Variants in ACSL6 observed in about 807,000 individuals in gnomAD.
ACSL6 encodes the protein long-chain-fatty-acid--CoA ligase 6.
Under a neutral mutation model 98.2 loss-of-function variants are expected in ACSL6, and 47 were observed. That is an observed-to-expected ratio of 0.48 (90% CI 0.38 to 0.61). ACSL6 has a LOEUF of 0.61. Ranked by LOEUF, ACSL6 falls within the 20% of genes least tolerant of loss-of-function variation. The probability of loss-of-function intolerance (pLI) is 0.00; values close to 1 mark genes in which losing one functional copy is unlikely to be tolerated. For missense variants in ACSL6, 761 were observed against 913.4 expected (o/e 0.83, Z 2.15); for synonymous variants, 362 against 336.9 (o/e 1.07, Z -0.82).
At chr5:131,977,665 G>A (rs1237113921) in intron 9 of ACSL6, among the ~76,000 whole-genome samples, 1 of 152,154 alleles carries the variant, frequency 6.6e-6, no homozygotes, top group Non-Finnish European at 1.5e-5. Context: ...TGTTAAATCA[G>A]ACGTTTCCAC....
chr5:131,983,828 G>A (rs1042461787), intron 9 of ACSL6: 4 of 152,304 alleles, frequency 2.6e-5, no homozygotes, highest in African/African-American at 9.6e-5. Flanking sequence ...GCTTCCTACA[G>A]TCTGGAAAAG....
In ACSL6 at chr5:132,004,228, T is replaced by G. The variant is rs547521909; in HGVS notation, c.49+7277A>C. Reference sequence around the variant, plus strand: ...AGGTCAGGCTTCTATCCTTTTTTTTTTTTTTTGGCTGACTTTCAGCAGCCA... The same window carrying G: ...AGGTCAGGCTTCTATCCTTTTTTTTGTTTTTTGGCTGACTTTCAGCAGCCA... On this transcript the variant is annotated intron_variant, in intron 1 of 20. Coordinates refer to ENST00000651883, the MANE Select transcript of ACSL6 (RefSeq NM_001009185.3). Among the ~76,000 whole-genome samples the G allele has an allele frequency of 2.6e-5, 4 of 151,872 alleles. No individual in the cohort carries two copies. The South Asian group carries it at 8.3e-4, about 32-fold the overall frequency.
In ACSL6 at chr5:131,950,941, T is replaced by G. The variant is rs1752127880; in HGVS notation, c.*3293A>C. ...AAGGAGACATAAAATGTTTAATCCTTGGATTTCTGAGTTTATGAGTTCCTA... is the reference window on the plus strand; with the variant it reads ...AAGGAGACATAAAATGTTTAATCCTGGGATTTCTGAGTTTATGAGTTCCTA... On this transcript the variant is annotated 3_prime_UTR_variant, in exon 21 of 21. Coordinates refer to ENST00000651883, the MANE Select transcript of ACSL6 (RefSeq NM_001009185.3). 1 of 192,100 alleles carries G rather than the reference T, an allele frequency of 5.2e-6. No individual in the cohort carries two copies. Among genetic ancestry groups the G allele is most frequent in the South Asian group, 1.9e-4 (1 of 5,178 alleles). 11.9% of individuals were successfully genotyped at this position (192,100 alleles called of 1,614,324 possible).
intron 9 of ACSL6, chr5:131,984,148 G>T (rs548603706): frequency 3.0e-4 from 45 of 152,240 alleles, no homozygotes; most frequent in African/African-American, 9.9e-4. Context: ...GGAGAGGAAG[G>T]GCTGTGTTGT....
chr5:131,971,715 T>A, intron 13 of ACSL6, 70 bp from the exon 14 acceptor site: 1 of 1,370,376 alleles, frequency 7.3e-7, no homozygotes, highest in Non-Finnish European at 9.9e-7. Context: ...CTGGGTTTCA[T>A]CCAAGGTCAA....
rs935937048 is a variant in ACSL6, at chr5:131,960,417, G to A, written c.1959+103C>T. On this transcript the variant is annotated intron_variant, in intron 19 of 20. Coordinates refer to ENST00000651883, the MANE Select transcript of ACSL6 (RefSeq NM_001009185.3). ...TATATAAAGTAATGTTAGAAATTTC[G>A]TACGAGCTCGAATTTCACTGGTCTA... 6.2e-5 allele frequency: 52 copies of A among 843,988 alleles called. No homozygotes were observed. In the Admixed American group the frequency reaches 1.2e-3, roughly 19 times the overall value. The allele number at this position is 843,988 out of a possible 1,614,324, so 52.3% of individuals were successfully genotyped here.
intron 1 of ACSL6, among the ~76,000 whole-genome samples, chr5:132,008,399 C>A (rs1755529773): frequency 6.6e-6 from 1 of 152,212 alleles, no homozygotes; most frequent in African/African-American, 2.4e-5. Context: ...CTTTGTCTCG[C>A]CCCACCAGGG....
chr5:131,984,854 GCATT>G (rs1754085579), intron 9 of ACSL6: 1 of 173,012 alleles, frequency 5.8e-6, no homozygotes, highest in Admixed American at 5.5e-5. Flanking sequence ...CAGAGCATCT[GCATT>G]GCCCTTTCAC....
chr5:131,993,612 T>A, intron 2 of ACSL6: 1 of 201,240 alleles, frequency 5.0e-6, no homozygotes, highest in South Asian at 9.8e-5. Flanking sequence ...GGTGGCACCA[T>A]GTGTGAGTCC....
chr5:131,995,195 G>A (rs1056073918), intron 1 of ACSL6, among the ~76,000 whole-genome samples: 1 of 152,184 alleles, frequency 6.6e-6, no homozygotes, highest in Non-Finnish European at 1.5e-5. Context: ...AGAGAGGGAA[G>A]GTCTCTGTGA....
intron 10 of ACSL6, chr5:131,975,242 C>G (rs759817419): frequency 8.1e-5 from 105 of 1,304,056 alleles, no homozygotes; most frequent in Non-Finnish European, 1.0e-4. Flanking sequence ...GTCAGTGGGT[C>G]TAGGTTATCT....
Position 132,011,438 on chromosome 5 carries a change from C to T in ACSL6, c.49+67G>A. 3 of 1,548,800 alleles carry T rather than the reference C, an allele frequency of 1.9e-6. No individual in the cohort carries two copies. Among genetic ancestry groups the T allele is most frequent in the Non-Finnish European group, 2.7e-6 (3 of 1,124,080 alleles). On this transcript the variant is annotated intron_variant, in intron 1 of 20. Transcript: ENST00000651883. The surrounding 1 kb of genome is among the most constrained non-coding windows in gnomAD (Gnocchi z 5.4). ...CGGCCGCGGAGATGTAACACCTCCACCTCGGGCGAAGACCTCATAGCCTGC... is the reference window on the plus strand; with the variant it reads ...CGGCCGCGGAGATGTAACACCTCCATCTCGGGCGAAGACCTCATAGCCTGC...
Position 131,959,618 on chromosome 5 carries a change from C to G in ACSL6, c.1960-11G>C, listed in dbSNP as rs759930416. 8 of 1,613,298 alleles carry G rather than the reference C, an allele frequency of 5.0e-6. No individual in the cohort carries two copies. The highest frequency in any genetic ancestry group is 6.8e-6 in the Non-Finnish European group (8 of 1,179,264). On this transcript the variant is annotated splice_polypyrimidine_tract_variant and intron_variant, in intron 19 of 20. Coordinates refer to ENST00000651883, the MANE Select transcript of ACSL6 (RefSeq NM_001009185.3). ...GGCTTTCTTCAGATCCTGAATCAAA[C>G]CATATGAGAAAAATTACAAGACAAG...
intron 9 of ACSL6, among the ~76,000 whole-genome samples, chr5:131,979,710 TG>T (rs1020470698): frequency 6.6e-6 from 1 of 152,208 alleles, no homozygotes. Flanking sequence ...CAACAAATTG[TG>T]GGGGAAGACT....
chr5:131,966,279 T>TC, intron 17 of ACSL6, 137 bp downstream of exon 17: 3 of 771,240 alleles, frequency 3.9e-6, no homozygotes, highest in Middle Eastern at 3.9e-4. Context: ...AGGAAGAGCC[T>TC]CCCCCCAGGC....
intron 20 of ACSL6, among the ~76,000 whole-genome samples, chr5:131,956,842 A>G (rs997828346): frequency 1.4e-4 from 22 of 152,204 alleles, no homozygotes; most frequent in African/African-American, 4.8e-4. Context: ...CACTTCATGA[A>G]ACTGGAATTT....
chr5:132,011,909 A>G (rs958809301), upstream of ACSL6: 4 of 1,556,342 alleles, frequency 2.6e-6, no homozygotes, highest in Admixed American at 7.7e-5. The surrounding 1 kb of genome is among the most constrained non-coding windows in gnomAD (Gnocchi z 5.4). Flanking sequence ...CTCCAACGTC[A>G]GTACCTGGCA....
Position 131,959,674 on chromosome 5 carries a change from A to G in ACSL6, c.1960-67T>C, listed in dbSNP as rs185370775. 240 of 1,491,780 alleles carry G rather than the reference A, an allele frequency of 1.6e-4. No individual in the cohort carries two copies. The African/African-American group carries it at 2.7e-3, about 17-fold the overall frequency. The allele number at this position is 1,491,780 out of a possible 1,614,324, so 92.4% of individuals were successfully genotyped here. A position where few individuals can be genotyped will look rare whatever the true frequency, so the allele number is the denominator to read the frequency against. ...ATTTCAAAATGGAGGTAGAGGAAAC[A>G]ACACTTTTGGGTAAAGTACAACTGA... On this transcript the variant is annotated intron_variant, in intron 19 of 20. Coordinates refer to ENST00000651883, the MANE Select transcript of ACSL6 (RefSeq NM_001009185.3).
At chr5:131,970,229 T>G (rs147591084) in intron 14 of ACSL6, 29 bp from the exon 15 acceptor site, 28 of 1,609,714 alleles carry the variant, frequency 1.7e-5, no homozygotes, top group Non-Finnish European at 2.3e-5. Context: ...AGCCACACTA[T>G]GGGCACACAC....
Sources: allele counts gnomAD v4.1 joint callset (sites outside exome capture counted in the v4.1 genomes callset), GRCh38; gene constraint gnomAD v4.1.1; non-coding constraint Gnocchi (gnomAD v3.1); transcripts MANE v1.5; gene names NCBI Gene and HGNC (gene_info 2026-07-23, HGNC 2026-07-21).